Variants in FGF12 observed in about 807,000 individuals in gnomAD.
FGF12 encodes the protein fibroblast growth factor 12B.
Under a neutral mutation model 23.6 loss-of-function variants are expected in FGF12, and 14 were observed. The ratio of observed to expected loss-of-function variants is 0.59; its 90% confidence interval spans 0.39 to 0.93. The LOEUF (loss-of-function observed/expected upper bound fraction) is 0.93. FGF12 is among the 40% of genes least tolerant of loss of function. The pLI, the probability that FGF12 is intolerant of heterozygous loss-of-function variation, is 0.00. For synonymous variants in FGF12, 62 were observed against 77.3 expected (o/e 0.80, Z 1.04); for missense variants, 175 against 217.8 (o/e 0.80, Z 1.24).
chr3:192,506,855 G>A lies in FGF12; in HGVS notation c.14-146317C>T, dbSNP rs192691243. Among the ~76,000 whole-genome samples, 274 of 150,800 alleles carry A rather than the reference G, an allele frequency of 1.8e-3. 1 individual carries two copies. Among genetic ancestry groups the A allele is most frequent in the African/African-American group, 5.4e-3 (221 of 41,082 alleles). On this transcript the variant is annotated intron_variant, in intron 2 of 5. Transcript: ENST00000445105. The stretch of plus-strand genomic sequence containing the variant: ...TGCAAAACAGAGAGGATATAACGGC[G>A]AATCTGACCTCCCATCTAGTCATGG...
At position 192,143,547 on chromosome 3, in the gene FGF12, CAAAT is replaced by C. The variant is rs1713526600; in HGVS notation, c.*458_*461del. The C allele has an allele frequency of 6.6e-6, 1 of 152,560 alleles. No individual in the cohort carries two copies. The highest frequency in any genetic ancestry group is 1.5e-5 in the Non-Finnish European group (1 of 68,368). The allele number at this position is 152,560 out of a possible 1,614,324, so 9.5% of individuals were successfully genotyped here. ...TAATGGTGTGTCAATTCCAGATGCCCAAATAAAATACAAAATCAAGCAAAACCAC... is the reference window on the plus strand; with the variant it reads ...TAATGGTGTGTCAATTCCAGATGCCCAAAATACAAAATCAAGCAAAACCAC... On this transcript the variant is annotated 3_prime_UTR_variant, in exon 6 of 6. Transcript: ENST00000445105.
At position 192,375,207 on chromosome 3, in the gene FGF12, A is replaced by G. The variant is rs1437144693; in HGVS notation, c.14-14669T>C. On this transcript the variant is annotated intron_variant, in intron 2 of 5. Transcript: ENST00000445105. ...TTTGAAATTCCCATAATAGATGGCT[A>G]TAATCATTTTGCTTTAACTTTAATT... 2.0e-5 allele frequency among the ~76,000 whole-genome samples: 3 copies of G among 152,216 alleles called. No individual in the cohort carries two copies. In the East Asian group the frequency reaches 5.8e-4, roughly 29 times the overall value.
chr3:192,333,941 G>C (rs189943588), intron 4 of FGF12, among the ~76,000 whole-genome samples: 6 of 152,158 alleles, frequency 3.9e-5, no homozygotes, highest in African/African-American at 1.4e-4. Context: ...ATGATTTTGG[G>C]GGGGAGTTCA....
At chr3:192,182,701 C>T (rs1716246550) in intron 4 of FGF12, among the ~76,000 whole-genome samples, 2 of 152,156 alleles carry the variant, frequency 1.3e-5, no homozygotes, top group Non-Finnish European at 2.9e-5. Context: ...ATTCTTTGAA[C>T]TCTACTCGCT....
rs1307673340 is a variant in FGF12 at position 192,405,466 on chromosome 3, T to C, written c.14-44928A>G. Reference sequence around the variant, plus strand: ...TCACTCCCCTAGAAAGTCTGGTCAATGGAACATGTGTCTCAGTGACAGAAA... The same window carrying C: ...TCACTCCCCTAGAAAGTCTGGTCAACGGAACATGTGTCTCAGTGACAGAAA... On this transcript the variant is annotated intron_variant, in intron 2 of 5. Coordinates refer to ENST00000445105, the MANE Select transcript of FGF12 (RefSeq NM_004113.6). Among the ~76,000 whole-genome samples, 2 of 151,190 alleles carry C rather than the reference T, an allele frequency of 1.3e-5. 1 individual carries two copies. The highest frequency in any genetic ancestry group is 4.9e-5 in the African/African-American group (2 of 40,490).
rs1437152258 is a variant in FGF12, at chr3:192,724,610, A to G, written c.13+2571T>C. Among the ~76,000 whole-genome samples the G allele has an allele frequency of 3.9e-5, 6 of 152,250 alleles. No individual in the cohort carries two copies. The South Asian group carries it at 1.0e-3, about 26-fold the overall frequency. On this transcript the variant is annotated intron_variant, in intron 2 of 5. Coordinates refer to ENST00000445105, the MANE Select transcript of FGF12 (RefSeq NM_004113.6). ...CCAAATCTTTGAGACAATGTTAAGT[A>G]CATGGTGCACAAAAATCGCTGAAAT...
chr3:192,388,580 T>C (rs1720155633), intron 2 of FGF12, among the ~76,000 whole-genome samples: 2 of 152,102 alleles, frequency 1.3e-5, no homozygotes, highest in Non-Finnish European at 2.9e-5. Context: ...AAGAAAGATA[T>C]ATAACTTATA....
intron 2 of FGF12, among the ~76,000 whole-genome samples, chr3:192,379,082 C>T (rs957242004): frequency 1.3e-5 from 2 of 152,160 alleles, no homozygotes; most frequent in Admixed American, 1.3e-4. Context: ...GCTAAAGACA[C>T]GATTTAAATT....
chr3:192,613,671 A>C (rs955056293), intron 2 of FGF12, among the ~76,000 whole-genome samples: 1 of 151,896 alleles, frequency 6.6e-6, no homozygotes, highest in Non-Finnish European at 1.5e-5. Context: ...AGGTATGATC[A>C]ATTTTCCCAG....
intron 4 of FGF12, 74 bp from the exon 5 acceptor site, chr3:192,170,730 T>C: frequency 1.5e-6 from 2 of 1,299,700 alleles, no homozygotes; most frequent in East Asian, 4.6e-5. Context: ...TTAAATCCAA[T>C]AAGCTTGAAA....
At chr3:192,297,950 A>C (rs1715135548) in intron 4 of FGF12, among the ~76,000 whole-genome samples, 1 of 152,178 alleles carries the variant, frequency 6.6e-6, no homozygotes, top group Non-Finnish European at 1.5e-5. Flanking sequence ...ACATTCTCAA[A>C]AATGGTAGAA....
intron 2 of FGF12, among the ~76,000 whole-genome samples, chr3:192,655,191 C>A (rs1716356384): frequency 6.6e-6 from 1 of 152,216 alleles, no homozygotes; most frequent in African/African-American, 2.4e-5. Context: ...TGGCCAATAT[C>A]TATTCTCACT....
chr3:192,573,105 G>A (rs1263418480), intron 2 of FGF12, among the ~76,000 whole-genome samples: 1 of 152,032 alleles, frequency 6.6e-6, no homozygotes, highest in Non-Finnish European at 1.5e-5. Context: ...TATATTCAGT[G>A]GTCAGAACTA....
chr3:192,256,437 T>C (rs1276594345), intron 4 of FGF12, among the ~76,000 whole-genome samples: 1 of 151,618 alleles, frequency 6.6e-6, no homozygotes, highest in Non-Finnish European at 1.5e-5. Flanking sequence ...TATTTACATA[T>C]TTTATGTTTA....
intron 4 of FGF12, among the ~76,000 whole-genome samples, chr3:192,208,124 G>T (rs547952803): frequency 6.6e-6 from 1 of 152,270 alleles, no homozygotes; most frequent in African/African-American, 2.4e-5. Flanking sequence ...AAATCCTAAA[G>T]ATGTACTTTC....
chr3:192,300,147 G>A (rs988962521), intron 4 of FGF12, among the ~76,000 whole-genome samples: 7 of 152,120 alleles, frequency 4.6e-5, no homozygotes, highest in Non-Finnish European at 8.8e-5. Context: ...GAAGACACTG[G>A]TATCGCTGCT....
intron 4 of FGF12, among the ~76,000 whole-genome samples, chr3:192,179,782 G>A (rs1490436892): frequency 6.6e-6 from 1 of 152,008 alleles, no homozygotes; most frequent in Non-Finnish European, 1.5e-5. Flanking sequence ...CTGACCTCAA[G>A]GGATCTGCCT....
intron 2 of FGF12, among the ~76,000 whole-genome samples, chr3:192,634,868 TTTC>T (rs1715522145): frequency 6.6e-6 from 1 of 152,118 alleles, no homozygotes; most frequent in Admixed American, 6.5e-5. Flanking sequence ...AATAATTTTT[TTTC>T]TTTTTTGCAA....
intron 2 of FGF12, among the ~76,000 whole-genome samples, chr3:192,521,845 T>A (rs551608770): frequency 2.0e-4 from 31 of 152,306 alleles, no homozygotes; most frequent in Admixed American, 7.2e-4. Flanking sequence ...CGCCTCCAAA[T>A]TTTGGTGTTC....
Sources: allele counts gnomAD v4.1 joint callset (sites outside exome capture counted in the v4.1 genomes callset), GRCh38; gene constraint gnomAD v4.1.1; transcripts MANE v1.5; gene names NCBI Gene and HGNC (gene_info 2026-07-23, HGNC 2026-07-21).